The following IRAK1BP1 variants were observed in gnomAD, a reference collection of about 807,000 sequenced individuals.
IRAK1BP1 encodes the protein interleukin 1 receptor associated kinase 1 binding protein 1.
Under a neutral mutation model 28.0 loss-of-function variants are expected in IRAK1BP1, and 24 were observed. The observed-to-expected ratio is 0.86, with a 90% CI of 0.62 to 1.20. IRAK1BP1 has a LOEUF of 1.20. IRAK1BP1 is among the 50% of genes most tolerant of loss of function. The pLI, the probability that IRAK1BP1 is intolerant of heterozygous loss-of-function variation, is 0.00. For synonymous variants in IRAK1BP1, 131 were observed against 116.3 expected (o/e 1.13, Z -0.81); for missense variants, 336 against 316.7 (o/e 1.06, Z -0.46).
the IRAK1BP1 span, among the ~76,000 whole-genome samples, chr6:78,961,326 GAACA>G: frequency 6.6e-6 from 1 of 151,548 alleles, no homozygotes; most frequent in African/African-American, 2.4e-5. Flanking sequence ...AAAAATCAAT[GAACA>G]AATATTTTAA....
chr6:78,947,163 C>T (rs555972789), downstream of IRAK1BP1, among the ~76,000 whole-genome samples: 17 of 152,172 alleles, frequency 1.1e-4, no homozygotes, highest in African/African-American at 3.6e-4. Flanking sequence ...AACTTTATTA[C>T]ACTGAAACTA....
the IRAK1BP1 span, chr6:78,970,827 T>C: frequency 6.2e-7 from 1 of 1,612,210 alleles, no homozygotes; most frequent in Non-Finnish European, 8.5e-7. Flanking sequence ...ATTGATACTA[T>C]ATATTTTATT....
chr6:78,960,023 C>A, the IRAK1BP1 span, among the ~76,000 whole-genome samples: 3 of 152,112 alleles, frequency 2.0e-5, no homozygotes, highest in African/African-American at 4.8e-5. Flanking sequence ...CTCATGATCA[C>A]GTGGCTGACT....
the IRAK1BP1 span, among the ~76,000 whole-genome samples, chr6:78,971,767 G>A: frequency 2.6e-5 from 4 of 152,124 alleles, no homozygotes; most frequent in Non-Finnish European, 5.9e-5. Flanking sequence ...AAGGGGTGAC[G>A]GACGGCACCT....
chr6:78,893,306 GTGTGTGTGTATATATATATATATATATA>G (rs1771736896), intron 2 of IRAK1BP1, among the ~76,000 whole-genome samples: 1 of 97,874 alleles, frequency 1.0e-5, no homozygotes, highest in African/African-American at 3.9e-5. Context: ...GTGTGTGTGT[GTGTGTGTGTATATATATATATATATATA>G]TATATATATA....
chr6:78,951,046 TTTAA>T (rs1190937859), downstream of IRAK1BP1, among the ~76,000 whole-genome samples: 1 of 152,174 alleles, frequency 6.6e-6, no homozygotes, highest in Non-Finnish European at 1.5e-5. Context: ...CTGAATTTGT[TTTAA>T]TTGAGTTCAA....
intron 4 of IRAK1BP1, among the ~76,000 whole-genome samples, chr6:78,933,876 T>G (rs1306113382): frequency 1.3e-5 from 2 of 152,158 alleles, no homozygotes; most frequent in Non-Finnish European, 2.9e-5. Flanking sequence ...GTAGCATCCT[T>G]AACTTCCTTC....
the IRAK1BP1 span, among the ~76,000 whole-genome samples, chr6:78,973,502 G>A: frequency 2.0e-5 from 1 of 50,184 alleles, no homozygotes; most frequent in African/African-American, 7.2e-5. Flanking sequence ...ACATCATAAT[G>A]ACAGGATCAA....
At chr6:78,958,618 TAGA>T in the IRAK1BP1 span, 2 of 1,478,520 alleles carry the variant, frequency 1.4e-6, no homozygotes, top group East Asian at 2.3e-5. Flanking sequence ...AAACAAAATA[TAGA>T]AGTTTTAACT....
chr6:78,945,772 G>T, exon 5 of IRAK1BP1: 1 of 588,576 alleles, frequency 1.7e-6, no homozygotes, highest in Non-Finnish European at 3.0e-6. Flanking sequence ...TTTAAATTCA[G>T]GTAGTTTAGA....
chr6:78,928,342 C>A (rs1053632573), intron 4 of IRAK1BP1, among the ~76,000 whole-genome samples: 1 of 152,048 alleles, frequency 6.6e-6, no homozygotes, highest in East Asian at 1.9e-4. Context: ...AGAAATGCTA[C>A]TGATTTTTGT....
chr6:78,965,280 G>A, the IRAK1BP1 span, among the ~76,000 whole-genome samples: 1 of 152,078 alleles, frequency 6.6e-6, no homozygotes, highest in Non-Finnish European at 1.5e-5. Context: ...GGGGTGTGAG[G>A]CTTTATGGAA....
intron 4 of IRAK1BP1, chr6:78,938,709 A>G (rs1773361791): frequency 2.0e-5 from 3 of 151,734 alleles, no homozygotes; most frequent in Admixed American, 6.6e-5. Context: ...AAATAAATAT[A>G]CAAAAAACCT....
At chr6:78,935,441 C>CCAGAA (rs1773240146) in intron 4 of IRAK1BP1, 1 of 915,152 alleles carries the variant, frequency 1.1e-6, no homozygotes, top group Non-Finnish European at 1.3e-6. Flanking sequence ...ACCTTCTTTC[C>CCAGAA]ATCATTCCTT....
rs1348945000 is a variant in IRAK1BP1, at chr6:78,899,016, A to T, written c.*682A>T. 6.6e-6 allele frequency: 1 copy of T among 152,186 alleles called. No individual in the cohort carries two copies. Among genetic ancestry groups the T allele is most frequent in the Admixed American group, 6.5e-5 (1 of 15,272 alleles). The allele number at this position is 152,186 out of a possible 1,614,324, so 9.4% of individuals were successfully genotyped here. Reference sequence around the variant, plus strand: ...CAACAAGGAGCATGAGCATCAGCACATTCTCATTGCTTCCCCTTGTCCCAG... The same window carrying T: ...CAACAAGGAGCATGAGCATCAGCACTTTCTCATTGCTTCCCCTTGTCCCAG... On this transcript the variant is annotated 3_prime_UTR_variant, in exon 4 of 4. Transcript: ENST00000369940.
At chr6:78,962,956 C>G in the IRAK1BP1 span, 1 of 662,926 alleles carries the variant, frequency 1.5e-6, no homozygotes, top group Non-Finnish European at 2.5e-6. Flanking sequence ...AGACCACATT[C>G]AAAAAGAGAT....
At chr6:78,893,859 C>T (rs773922400) in intron 2 of IRAK1BP1, among the ~76,000 whole-genome samples, 12 of 151,878 alleles carry the variant, frequency 7.9e-5, no homozygotes, top group South Asian at 2.1e-4. Context: ...GCTGAGATCA[C>T]GTCACTGTAC....
chr6:78,922,594 T>G (rs1019854047), intron 4 of IRAK1BP1, among the ~76,000 whole-genome samples: 1 of 152,070 alleles, frequency 6.6e-6, no homozygotes, highest in African/African-American at 2.4e-5. Context: ...TACTCCTTGA[T>G]AAGAGCAACT....
intron 4 of IRAK1BP1, among the ~76,000 whole-genome samples, chr6:78,919,302 A>G (rs1362411203): frequency 6.6e-6 from 1 of 152,180 alleles, no homozygotes. Flanking sequence ...AACAAGAACA[A>G]ACTAGCCCCA....
Sources: allele counts gnomAD v4.1 joint callset (sites outside exome capture counted in the v4.1 genomes callset), GRCh38; gene constraint gnomAD v4.1.1; transcripts MANE v1.5; gene names NCBI Gene and HGNC (gene_info 2026-07-23, HGNC 2026-07-21).